Variants in TRAF3 observed in about 807,000 individuals in gnomAD.
TRAF3 encodes TNF receptor associated factor 3, also known as TNF receptor-associated factor 3.
Under a neutral mutation model 62.3 loss-of-function variants are expected in TRAF3, and 13 were observed. The observed-to-expected ratio is 0.21, with a 90% CI of 0.14 to 0.33. TRAF3 has a LOEUF of 0.33. Among genes scored for constraint, TRAF3 ranks in the 10% least tolerant of loss-of-function variants. The pLI is 1.00. For synonymous variants in TRAF3, 269 were observed against 283.4 expected (o/e 0.95, Z 0.51); for missense variants, 440 against 741.8 (o/e 0.59, Z 4.73).
At chr14:102,829,567 G>T (rs1037278483) in intron 1 of TRAF3, among the ~76,000 whole-genome samples, 1 of 152,210 alleles carries the variant, frequency 6.6e-6, no homozygotes, top group African/African-American at 2.4e-5. Context: ...GGCAATGCAT[G>T]ATGTCTCCAA....
chr14:102,824,174 A>G (rs1026799802), intron 1 of TRAF3, among the ~76,000 whole-genome samples: 3 of 152,090 alleles, frequency 2.0e-5, no homozygotes, highest in Admixed American at 6.5e-5. Context: ...ATTCCCATTT[A>G]TGTTTGTACA....
chr14:102,815,035 A>G (rs1448575361), intron 1 of TRAF3, among the ~76,000 whole-genome samples: 1 of 152,124 alleles, frequency 6.6e-6, no homozygotes, highest in Non-Finnish European at 1.5e-5. Flanking sequence ...TCTAGAGCTC[A>G]AGGGAGCCTA....
At position 102,820,376 on chromosome 14, in the gene TRAF3, G is replaced by A. The variant is rs1017360501; in HGVS notation, c.-156-9958G>A. ...TAACCTTCTGCACTTGGGTGCCGGG[G>A]CCCCCTCTCTGCAGTCACACACTCT... On this transcript the variant is annotated intron_variant, in intron 1 of 11. Coordinates refer to ENST00000392745, the MANE Select transcript of TRAF3 (RefSeq NM_145725.3). Among the ~76,000 whole-genome samples, 3 of 151,860 alleles carry A rather than the reference G, an allele frequency of 2.0e-5. No homozygotes were observed. In the East Asian group the frequency reaches 5.8e-4, roughly 29 times the overall value.
chr14:102,861,865 C>T lies in TRAF3; in HGVS notation c.-17-8320C>T, dbSNP rs145375117. Among the ~76,000 whole-genome samples, 35 of 152,312 alleles carry T rather than the reference C, an allele frequency of 2.3e-4. No individual in the cohort carries two copies. In the East Asian group the frequency reaches 5.4e-3, roughly 23 times the overall value. On this transcript the variant is annotated intron_variant, in intron 2 of 11. Coordinates refer to ENST00000392745, the MANE Select transcript of TRAF3 (RefSeq NM_145725.3). ...TATCTTCCTTGGAGAAACGTTTATACAGATCCTTTGCTCATTTTAAAATTG... is the reference window on the plus strand; with the variant it reads ...TATCTTCCTTGGAGAAACGTTTATATAGATCCTTTGCTCATTTTAAAATTG...
intron 6 of TRAF3, among the ~76,000 whole-genome samples, chr14:102,878,838 A>G (rs1024864134): frequency 6.6e-6 from 1 of 152,096 alleles, no homozygotes; most frequent in Non-Finnish European, 1.5e-5. Flanking sequence ...TGGGCAGCCC[A>G]GAACTGGGAG....
chr14:102,838,666 C>T (rs558842030), intron 2 of TRAF3, among the ~76,000 whole-genome samples: 27 of 152,282 alleles, frequency 1.8e-4, no homozygotes, highest in African/African-American at 5.8e-4. Flanking sequence ...CAGAAGGAGA[C>T]AGTCGTTGCG....
chr14:102,902,683 G>T (rs1890364699), intron 10 of TRAF3, among the ~76,000 whole-genome samples: 1 of 152,214 alleles, frequency 6.6e-6, no homozygotes, highest in African/African-American at 2.4e-5. Context: ...GGAGCCTTGT[G>T]GCCCCGCACA....
At chr14:102,832,113 A>G (rs1746849680) in intron 2 of TRAF3, among the ~76,000 whole-genome samples, 1 of 152,144 alleles carries the variant, frequency 6.6e-6, no homozygotes, top group African/African-American at 2.4e-5. Context: ...GACATATAAA[A>G]TTGTATATAT....
At chr14:102,817,050 A>G (rs1160867061) in intron 1 of TRAF3, among the ~76,000 whole-genome samples, 1 of 152,166 alleles carries the variant, frequency 6.6e-6, no homozygotes, top group Non-Finnish European at 1.5e-5. Context: ...TGAGCCAGGC[A>G]TTGCCAGAGG....
At chr14:102,896,867 C>G (rs1890032528) in intron 9 of TRAF3, among the ~76,000 whole-genome samples, 1 of 152,130 alleles carries the variant, frequency 6.6e-6, no homozygotes, top group Admixed American at 6.6e-5. Context: ...AGTTTGAGAC[C>G]AGCCTGGGCA....
chr14:102,894,456 G>T (rs1313321992), intron 9 of TRAF3, among the ~76,000 whole-genome samples: 1 of 152,212 alleles, frequency 6.6e-6, no homozygotes, highest in South Asian at 2.1e-4. Flanking sequence ...ACCAAAGTGG[G>T]CTGGAGTAAA....
chr14:102,866,832 G>A (rs1488685108), intron 2 of TRAF3, among the ~76,000 whole-genome samples: 4 of 147,216 alleles, frequency 2.7e-5, no homozygotes, highest in Non-Finnish European at 6.0e-5. Flanking sequence ...GCAACAGAAC[G>A]AGACTCCATC....
At chr14:102,790,014 G>C (rs1453542684) in intron 1 of TRAF3, among the ~76,000 whole-genome samples, 1 of 152,048 alleles carries the variant, frequency 6.6e-6, no homozygotes, top group Non-Finnish European at 1.5e-5. Context: ...TTTTAGTAGA[G>C]ATGGGGTTTT....
chr14:102,847,887 A>G (rs767440889), intron 2 of TRAF3, among the ~76,000 whole-genome samples: 17 of 152,098 alleles, frequency 1.1e-4, no homozygotes, highest in Non-Finnish European at 2.4e-4. Flanking sequence ...TTTTTTTTCA[A>G]ACCAGTATTA....
chr14:102,829,478 C>CTG (rs959462690), intron 1 of TRAF3, among the ~76,000 whole-genome samples: 74 of 152,204 alleles, frequency 4.9e-4, no homozygotes, highest in African/African-American at 1.5e-3. Flanking sequence ...AGGAACTAGC[C>CTG]TGTGTGTGTG....
intron 1 of TRAF3, among the ~76,000 whole-genome samples, chr14:102,811,088 C>G (rs74086123): frequency 0.026 from 3,913 of 152,244 alleles, 142 homozygotes; most frequent in African/African-American, 0.087. Context: ...GTCTTTGCAT[C>G]TTTTTTCAGT....
In TRAF3 at chr14:102,909,184, C is replaced by G. The variant is rs565084597; in HGVS notation, c.*3400C>G. ...CCCCGACATACGCTGGGCCTTTCAG[C>G]TCGCCGTGCTCTGGTGACACACAGG... On this transcript the variant is annotated 3_prime_UTR_variant, in exon 12 of 12. Coordinates refer to ENST00000392745, the MANE Select transcript of TRAF3 (RefSeq NM_145725.3). 6 of 152,382 alleles carry G rather than the reference C, an allele frequency of 3.9e-5. No homozygotes were observed. The South Asian group carries it at 1.2e-3, about 32-fold the overall frequency. 9.4% of individuals were successfully genotyped at this position (152,382 alleles called of 1,614,324 possible). A position where few individuals can be genotyped will look rare whatever the true frequency, so the allele number is the denominator to read the frequency against.
intron 1 of TRAF3, among the ~76,000 whole-genome samples, chr14:102,801,995 G>C (rs1018958867): frequency 4.3e-5 from 6 of 141,148 alleles, no homozygotes; most frequent in Non-Finnish European, 9.2e-5. Flanking sequence ...CAGCCTGGGC[G>C]ACAGAGCGAG....
intron 7 of TRAF3, 52 bp from the exon 8 acceptor site, chr14:102,889,508 A>T: frequency 1.9e-6 from 3 of 1,585,288 alleles, no homozygotes; most frequent in Non-Finnish European, 2.6e-6. Flanking sequence ...ATATGTTTGA[A>T]CATTTTCATG....
Sources: allele counts gnomAD v4.1 joint callset (sites outside exome capture counted in the v4.1 genomes callset), GRCh38; gene constraint gnomAD v4.1.1; transcripts MANE v1.5; gene names NCBI Gene and HGNC (gene_info 2026-07-23, HGNC 2026-07-21).